DNPH1: variants seen among roughly 807,000 people sequenced by gnomAD.
The protein encoded by DNPH1 is 2'-deoxynucleoside 5'-phosphate N-hydrolase 1.
Under a neutral mutation model 15.7 loss-of-function variants are expected in DNPH1, and 18 were observed. That is an observed-to-expected ratio of 1.15 (90% CI 0.79 to 1.70). The LOEUF (loss-of-function observed/expected upper bound fraction) is 1.70, where lower values mean the gene tolerates loss of function less well. Among genes scored for constraint, DNPH1 ranks in the 40% most tolerant of loss-of-function variants. The probability of loss-of-function intolerance (pLI) is 0.00; values close to 1 mark genes in which losing one functional copy is unlikely to be tolerated. For missense variants in DNPH1, 262 were observed against 255.2 expected (o/e 1.03, Z -0.18); for synonymous variants, 114 against 107.9 (o/e 1.06, Z -0.35).
chr6:43,229,107 G>A (rs1324122599), intron 1 of DNPH1, 154 bp downstream of exon 1: 6 of 807,654 alleles, frequency 7.4e-6, no homozygotes, highest in Non-Finnish European at 9.2e-6. Context: ...TCCTTCTCGG[G>A]CTGGGGCGCT....
At chr6:43,227,723 G>T (rs1175013133) in intron 1 of DNPH1, among the ~76,000 whole-genome samples, 1 of 151,902 alleles carries the variant, frequency 6.6e-6, no homozygotes, top group Non-Finnish European at 1.5e-5. Flanking sequence ...CTGAGCAGAA[G>T]CACAAGCATT....
Position 43,225,898 on chromosome 6 carries a change from A to T in DNPH1, c.377-17T>A, listed in dbSNP as rs756188363. ...CCGAAAGCACTGGAAAGGGCAGGGA[A>T]AGGTGAAGCTGCCTCCCATCCACAC... On this transcript the variant is annotated splice_polypyrimidine_tract_variant and intron_variant, in intron 3 of 3. Transcript: ENST00000230431. 6.2e-7 allele frequency: 1 copy of T among 1,614,102 alleles called. No individual in the cohort carries two copies. The highest frequency in any genetic ancestry group is 1.7e-5 in the Admixed American group (1 of 60,016).
At position 43,225,896 on chromosome 6, in the gene DNPH1, GA is replaced by G; in HGVS notation, c.377-16del. ...GGCCGAAAGCACTGGAAAGGGCAGG[GA>G]AAGGTGAAGCTGCCTCCCATCCACA... On this transcript the variant is annotated splice_polypyrimidine_tract_variant and intron_variant, in intron 3 of 3. Coordinates refer to ENST00000230431, the MANE Select transcript of DNPH1 (RefSeq NM_006443.3). The G allele has an allele frequency of 6.2e-7, 1 of 1,614,134 alleles. No homozygotes were observed.
chr6:43,229,168 T>C lies in DNPH1; in HGVS notation c.196+93A>G, dbSNP rs1289821610. ...GGGCTCCGGGCGCCGGGAGCGCAGC[T>C]GCCGGGGGTCGGGGGGGCGGACAGG... On this transcript the variant is annotated intron_variant, in intron 1 of 3. Coordinates refer to ENST00000230431, the MANE Select transcript of DNPH1 (RefSeq NM_006443.3). The C allele has an allele frequency of 2.9e-4, 353 of 1,231,840 alleles. 1 individual carries two copies. The highest frequency in any genetic ancestry group is 3.5e-4 in the Non-Finnish European group (336 of 961,044). The allele number at this position is 1,231,840 out of a possible 1,614,324, so 76.3% of individuals were successfully genotyped here. A position where few individuals can be genotyped will look rare whatever the true frequency, so the allele number is the denominator to read the frequency against.
chr6:43,229,143 G>GGGCTCCGGGCGCCGGGAGCGC (rs1314696940), intron 1 of DNPH1, 118 bp downstream of exon 1: 9 of 1,068,184 alleles, frequency 8.4e-6, no homozygotes, highest in East Asian at 1.1e-4. Context: ...GTAGGAGGGC[G>GGGCTCCGGGCGCCGGGAGCGC]GGCTCCGGGC....
intron 1 of DNPH1, chr6:43,228,938 A>C (rs1388817558): frequency 1.5e-5 from 3 of 201,874 alleles, no homozygotes; most frequent in Admixed American, 1.2e-4. Flanking sequence ...GCCCAAGCAA[A>C]GCAGCCCAAT....
Position 43,226,647 on chromosome 6 carries a change from A to C in DNPH1, c.197-252T>G. On this transcript the variant is annotated intron_variant, in intron 1 of 3. Transcript: ENST00000230431. This position sits in a 1 kb window ranked among gnomAD's most constrained non-coding sequence, Gnocchi z 4.1. ...ACATCAGCAGCACTAACTGTGGATG[A>C]CATTGATTAGGGAAAGGTGCATGGG... 1.9e-6 allele frequency: 1 copy of C among 520,260 alleles called. No individual in the cohort carries two copies. The highest frequency in any genetic ancestry group is 3.4e-6 in the Non-Finnish European group (1 of 294,648). 32.2% of individuals were successfully genotyped at this position (520,260 alleles called of 1,614,324 possible).
intron 1 of DNPH1, 187 bp downstream of exon 1, chr6:43,229,074 C>CG (rs1390833094): frequency 3.5e-6 from 2 of 574,602 alleles, no homozygotes; most frequent in African/African-American, 4.0e-5. Flanking sequence ...CTGGGACCCA[C>CG]GCAGCCCGAG....
At chr6:43,227,478 A>T (rs1776759990) in intron 1 of DNPH1, among the ~76,000 whole-genome samples, 1 of 152,120 alleles carries the variant, frequency 6.6e-6, no homozygotes, top group South Asian at 2.1e-4. Context: ...TGCATTTTTA[A>T]CAGGCTCCCT....
rs1403743049 is a variant in DNPH1 at position 43,229,381 on chromosome 6, A to G, written c.76T>C (p.Cys26Arg). 4.0e-6 allele frequency: 6 copies of G among 1,486,544 alleles called. No homozygotes were observed. Among genetic ancestry groups the G allele is most frequent in the African/African-American group, 1.4e-5 (1 of 69,076 alleles). The allele number at this position is 1,486,544 out of a possible 1,614,324, so 92.1% of individuals were successfully genotyped here. ...GEPGRPALYF[C>R]GSIRGGREDR... ...TCGCGTCCGCCGCGAATGCTCCCGCAGAAGTACAGGGCCGGGCGGCCAGGC... is the reference window on the plus strand; with the variant it reads ...TCGCGTCCGCCGCGAATGCTCCCGCGGAAGTACAGGGCCGGGCGGCCAGGC... The change falls in exon 1 of 4, where the codon TGC (cysteine) becomes CGC (arginine). Residue 26 changes from cysteine to arginine, a missense_variant. Coordinates refer to ENST00000230431, the MANE Select transcript of DNPH1 (RefSeq NM_006443.3).
At chr6:43,227,940 C>A (rs1230434390) in intron 1 of DNPH1, among the ~76,000 whole-genome samples, 2 of 151,884 alleles carry the variant, frequency 1.3e-5, no homozygotes, top group Non-Finnish European at 2.9e-5. Context: ...AAATACAAAA[C>A]TTAACCAGGT....
Position 43,226,473 on chromosome 6 carries a change from C to T in DNPH1, c.197-78G>A, listed in dbSNP as rs1776744374. On this transcript the variant is annotated intron_variant, in intron 1 of 3. Transcript: ENST00000230431. This position sits in a 1 kb window ranked among gnomAD's most constrained non-coding sequence, Gnocchi z 4.1. ...CTCCTATGCCCTTGTATGTCCATAC[C>T]CACCCTGCTCAGGGAGGGTGGGAGC... 2 of 1,343,930 alleles carry T rather than the reference C, an allele frequency of 1.5e-6. No homozygotes were observed. The highest frequency in any genetic ancestry group is 2.4e-5 in the Admixed American group (1 of 42,272). 83.3% of individuals were successfully genotyped at this position (1,343,930 alleles called of 1,614,324 possible). A position where few individuals can be genotyped will look rare whatever the true frequency, so the allele number is the denominator to read the frequency against.
At chr6:43,228,157 G>A (rs1223392831) in intron 1 of DNPH1, among the ~76,000 whole-genome samples, 1 of 150,712 alleles carries the variant, frequency 6.6e-6, no homozygotes, top group East Asian at 1.9e-4. Context: ...CACAATAATG[G>A]CCTGAAAGAG....
rs1224747783 is a variant in DNPH1 at position 43,225,864 on chromosome 6, G to A, written c.394C>T (p.Arg132Trp). The A allele has an allele frequency of 1.3e-5, 21 of 1,613,968 alleles. 1 individual carries two copies. Among genetic ancestry groups the A allele is most frequent in the African/African-American group, 1.3e-5 (1 of 74,886 alleles). The stretch of plus-strand genomic sequence containing the variant: ...AACCGAGAGCCATCTGCTGCTCCCC[G>A]GATCATGGCCGAAAGCACTGGAAAG... ...QSGRVLSAMI[R>W]GAADGSRFQV... The change falls in exon 4 of 4, where the codon CGG becomes TGG. Residue 132 changes from arginine to tryptophan, a missense_variant. By Grantham distance (101) the Arg-to-Trp change is moderately radical (BLOSUM62 -3). Transcript: ENST00000230431.
In DNPH1 at chr6:43,229,269, C is replaced by G. The variant is rs776288292; in HGVS notation, c.188G>C (p.Gly63Ala). 5 of 1,426,470 alleles carry G rather than the reference C, an allele frequency of 3.5e-6. No homozygotes were observed. Among genetic ancestry groups the G allele is most frequent in the Non-Finnish European group, 3.7e-6 (4 of 1,088,608 alleles). 88.4% of individuals were successfully genotyped at this position (1,426,470 alleles called of 1,614,324 possible). A position where few individuals can be genotyped will look rare whatever the true frequency, so the allele number is the denominator to read the frequency against. Residue 63 changes from glycine (G) to alanine (A), a missense_variant, in exon 1 of 4, where the codon GGC (glycine) becomes GCC (alanine). By Grantham distance (60) the Gly-to-Ala change is moderately conservative. Transcript: ENST00000230431. ...LTEHVAAAEL[G>A]ARGEEAAGGD... Reference sequence around the variant, plus strand: ...CGGCCCCAGGGCCTCACCGCGCGCGCCCAGCTCGGCGGCCGCCACGTGCTC... The same window carrying G: ...CGGCCCCAGGGCCTCACCGCGCGCGGCCAGCTCGGCGGCCGCCACGTGCTC...
intron 1 of DNPH1, among the ~76,000 whole-genome samples, chr6:43,227,940 CTT>C (rs1343916063): frequency 6.6e-6 from 1 of 151,884 alleles, no homozygotes; most frequent in African/African-American, 2.4e-5. Flanking sequence ...AAATACAAAA[CTT>C]AACCAGGTAT....
rs769278085 is a variant in DNPH1, at chr6:43,229,409, C to T, written c.48G>A (p.Gly16=). Residue 16 remains glycine (G), a synonymous_variant, in exon 1 of 4, where the codon GGG becomes GGA. Coordinates refer to ENST00000230431, the MANE Select transcript of DNPH1 (RefSeq NM_006443.3). ...AGTACAGGGCCGGGCGGCCAGGCTC[C>T]CCGCGCTCCCAGCTCTCGCTGCGCC... The part of the protein sequence containing the change: ...VPGRSESWER[G]EPGRPALYFC... 14 of 1,426,554 alleles carry T rather than the reference C, an allele frequency of 9.8e-6. No individual in the cohort carries two copies. The highest frequency in any genetic ancestry group is 2.8e-6 in the Non-Finnish European group (3 of 1,086,464). 88.4% of individuals were successfully genotyped at this position (1,426,554 alleles called of 1,614,324 possible).
intron 1 of DNPH1, among the ~76,000 whole-genome samples, chr6:43,227,651 T>TGAG (rs1046279516): frequency 6.6e-6 from 1 of 152,046 alleles, no homozygotes; most frequent in African/African-American, 2.4e-5. Flanking sequence ...CAGAATTGCA[T>TGAG]GAGGTCCCAC....
In DNPH1 at chr6:43,229,419, C is replaced by T. The variant is rs886545251; in HGVS notation, c.38G>A (p.Trp13Ter). The T allele has an allele frequency of 1.3e-5, 19 of 1,415,066 alleles. No individual in the cohort carries two copies. Among genetic ancestry groups the T allele is most frequent in the Non-Finnish European group, 1.8e-5 (19 of 1,080,824 alleles). 87.7% of individuals were successfully genotyped at this position (1,415,066 alleles called of 1,614,324 possible). Residue 13 changes from tryptophan to a stop codon, truncating the protein, a stop_gained, in exon 1 of 4, where the codon TGG becomes TAG. Coordinates refer to ENST00000230431, the MANE Select transcript of DNPH1 (RefSeq NM_006443.3). LOFTEE classifies it high-confidence loss of function. ...CGGGCGGCCAGGCTCCCCGCGCTCC[C>T]AGCTCTCGCTGCGCCCCGGCACCAT... Reference protein sequence around the residue: ...AAMVPGRSESWERGEPGRPAL... With the variant: ...AAMVPGRSES
Sources: allele counts gnomAD v4.1 joint callset (sites outside exome capture counted in the v4.1 genomes callset), GRCh38; gene constraint gnomAD v4.1.1; non-coding constraint Gnocchi (gnomAD v3.1); transcripts MANE v1.5; gene names NCBI Gene and HGNC (gene_info 2026-07-23, HGNC 2026-07-21).